Variants in UBR4 observed in about 807,000 individuals in gnomAD.
UBR4 encodes the protein E3 ubiquitin-protein ligase UBR4.
In UBR4, 124 loss-of-function variants were observed where a neutral mutation model predicts 575.6. The observed-to-expected ratio is 0.22, with a 90% CI of 0.19 to 0.25. The LOEUF (loss-of-function observed/expected upper bound fraction) is 0.25, where lower values mean the gene tolerates loss of function less well. UBR4 is among the 10% of genes least tolerant of loss of function. The pLI, the probability that UBR4 is intolerant of heterozygous loss-of-function variation, is 1.00. For synonymous variants in UBR4, 2,455 were observed against 2,473.7 expected (o/e 0.99, Z 0.22); for missense variants, 4,818 against 6,478.8 (o/e 0.74, Z 8.80).
rs186655356 is a variant in UBR4, at chr1:19,186,990, T to G, written c.1632+174A>C. Among the ~76,000 whole-genome samples, 305 of 151,696 alleles carry G rather than the reference T, an allele frequency of 2.0e-3. 1 individual carries two copies. Among genetic ancestry groups the G allele is most frequent in the African/African-American group, 7.2e-3 (297 of 41,420 alleles). ...TTGGATAGATTCAACCCGCTAAGAATTTTTCACTTCTTCAACACCAGTACC... is the reference window on the plus strand; with the variant it reads ...TTGGATAGATTCAACCCGCTAAGAAGTTTTCACTTCTTCAACACCAGTACC... On this transcript the variant is annotated intron_variant, in intron 13 of 105. Coordinates refer to ENST00000375254, the MANE Select transcript of UBR4 (RefSeq NM_020765.3).
At chr1:19,131,243 T>TA (rs869155620) in intron 60 of UBR4, among the ~76,000 whole-genome samples, 1,421 of 102,950 alleles carry the variant, frequency 0.014, 35 homozygotes, top group Non-Finnish European at 0.022. Context: ...TCTTGAAACT[T>TA]AAAAAAAAAA....
chr1:19,084,553 T>C lies in UBR4; in HGVS notation c.14959A>G (p.Ile4987Val), dbSNP rs201747687. Residue 4987 changes from isoleucine to valine, a missense_variant, in exon 102 of 106, where the codon ATC becomes GTC. By Grantham distance (29) the Ile-to-Val change is conservative (BLOSUM62 3). Coordinates refer to ENST00000375254, the MANE Select transcript of UBR4 (RefSeq NM_020765.3). ...DTGGGGRESN[I>V]HLIPYIIHTV... ...TGAATGATGTACGGGATCAGGTGGATGTTGCTCTCCCGGCCGCCCCCGCCA... is the reference window on the plus strand; with the variant it reads ...TGAATGATGTACGGGATCAGGTGGACGTTGCTCTCCCGGCCGCCCCCGCCA... 1.6e-5 allele frequency: 26 copies of C among 1,614,064 alleles called. No homozygotes were observed. In the East Asian group the frequency reaches 5.3e-4, roughly 33 times the overall value.
rs754906327 is a variant in UBR4 at position 19,210,135 on chromosome 1, G to T, written c.114C>A (p.Ser38=). The T allele has an allele frequency of 1.1e-5, 18 of 1,584,888 alleles. 1 individual carries two copies. In the Admixed American group the frequency reaches 3.1e-4, roughly 28 times the overall value. ...GWEVAVRPLL[S]ASYSAFEMKE... is the part of the protein sequence containing the mutation. ...TCATCTCGAAGGCGGAGTAGGACGC[G>T]GACAGCAGGGGCCGCACAGCCACCT... The change falls in exon 1 of 106, where the codon TCC becomes TCA. Residue 38 remains serine, a synonymous_variant. Coordinates refer to ENST00000375254, the MANE Select transcript of UBR4 (RefSeq NM_020765.3).
At position 19,105,678 on chromosome 1, in the gene UBR4, G is replaced by A; in HGVS notation, c.12503+55C>T. 3 of 1,346,452 alleles carry A rather than the reference G, an allele frequency of 2.2e-6. No homozygotes were observed. The South Asian group carries it at 4.5e-5, about 20-fold the overall frequency. The allele number at this position is 1,346,452 out of a possible 1,614,324, so 83.4% of individuals were successfully genotyped here. A position where few individuals can be genotyped will look rare whatever the true frequency, so the allele number is the denominator to read the frequency against. On this transcript the variant is annotated intron_variant, in intron 84 of 105. Transcript: ENST00000375254. ...GATCCATGGATTCCCCGGGGAAGATGAAAAGGCTCTAGAGCAAGTCTAACC... is the reference window on the plus strand; with the variant it reads ...GATCCATGGATTCCCCGGGGAAGATAAAAAGGCTCTAGAGCAAGTCTAACC...
intron 1 of UBR4, among the ~76,000 whole-genome samples, chr1:19,207,500 A>G (rs1280019018): frequency 6.6e-6 from 1 of 152,156 alleles, no homozygotes; most frequent in Non-Finnish European, 1.5e-5. Context: ...CTGGTGGCGC[A>G]CATCTATAAT....
At chr1:19,150,132 G>A (rs2085458830) in intron 49 of UBR4, among the ~76,000 whole-genome samples, 1 of 152,168 alleles carries the variant, frequency 6.6e-6, no homozygotes, top group African/African-American at 2.4e-5. Flanking sequence ...TGCTACAAGA[G>A]GCAGCAGACA....
rs764801442 is a variant in UBR4 at position 19,176,724 on chromosome 1, G to C, written c.2641C>G (p.Gln881Glu). 1 of 1,613,062 alleles carries C rather than the reference G, an allele frequency of 6.2e-7. No homozygotes were observed. Among genetic ancestry groups the C allele is most frequent in the Non-Finnish European group, 8.5e-7 (1 of 1,179,654 alleles). The change falls in exon 20 of 106, where the codon CAG (glutamine) becomes GAG (glutamate). Residue 881 changes from glutamine (Q) to glutamate (E), a missense_variant. Coordinates refer to ENST00000375254, the MANE Select transcript of UBR4 (RefSeq NM_020765.3). ...KAPVYLFEQV[Q>E]HNLLSPPFGW... ...AAGGGAGGACTTAGCAGGTTATGCT[G>C]TACCTTTTAAAACACAAATACTGAA...
chr1:19,173,305 T>A lies in UBR4; in HGVS notation c.3167A>T (p.Asp1056Val), dbSNP rs763777723. Residue 1056 changes from aspartate (D) to valine (V), a missense_variant and splice_region_variant, in exon 24 of 106, where the codon GAT (aspartate) becomes GTT (valine). Asp to Val is a radical substitution (Grantham distance 152). Transcript: ENST00000375254. ...RISSYVNWIK[D>V]HLIKQGMKAE... ...CTTCATTCCCTGTTTGATAAGGTGA[T>A]CCTATTTGGACAGCAAGAAAAAGTG... 7 of 1,614,142 alleles carry A rather than the reference T, an allele frequency of 4.3e-6. No individual in the cohort carries two copies. In the South Asian group the frequency reaches 6.6e-5, roughly 15 times the overall value.
At chr1:19,123,165 G>T in intron 65 of UBR4, 105 bp from the exon 66 acceptor site, 1 of 1,256,740 alleles carries the variant, frequency 8.0e-7, no homozygotes, top group Non-Finnish European at 1.1e-6. Context: ...TAAAAGCTGG[G>T]GACAGGCCGG....
rs371970332 is a variant in UBR4 at position 19,184,037 on chromosome 1, C to A, written c.2077G>T (p.Val693Leu). 25 of 1,614,022 alleles carry A rather than the reference C, an allele frequency of 1.5e-5. No homozygotes were observed. The highest frequency in any genetic ancestry group is 2.0e-5 in the Non-Finnish European group (24 of 1,180,004). ...TGACCCTTGAGTCCATCTTTGTCCA[C>A]CTCCTTGATGATACTGGCTAGGGTG... is the stretch of plus-strand genomic sequence containing the variant. ...MATLASIIKE[V>L]DKDGLKGSSD... Residue 693 changes from valine (V) to leucine (L), a missense_variant, in exon 16 of 106, where the codon GTG (valine) becomes TTG (leucine). Val to Leu is a conservative substitution (Grantham distance 32). Transcript: ENST00000375254.
In UBR4 at chr1:19,144,863, T is replaced by C. The variant is rs887420526; in HGVS notation, c.7990A>G (p.Ile2664Val). ...AGCTCACAGGTACAGTAGCCATGGATGATGTCCACCAGAGCATTGACAGTA... is the reference window on the plus strand; with the variant it reads ...AGCTCACAGGTACAGTAGCCATGGACGATGTCCACCAGAGCATTGACAGTA... The part of the protein sequence containing the change: ...EATVNALVDI[I>V]HGYCTCELDC... Residue 2664 changes from isoleucine (I) to valine (V), a missense_variant, in exon 54 of 106, where the codon ATC becomes GTC. Ile to Val is a conservative substitution (Grantham distance 29, BLOSUM62 3). Around this residue, in one of 29 missense-constraint regions of UBR4, gnomAD observed 340 missense variants for 375.4 expected, o/e 0.91. Coordinates refer to ENST00000375254, the MANE Select transcript of UBR4 (RefSeq NM_020765.3). The C allele has an allele frequency of 6.8e-6, 11 of 1,614,096 alleles. 1 individual carries two copies. Among genetic ancestry groups the C allele is most frequent in the Non-Finnish European group, 9.3e-6 (11 of 1,180,000 alleles).
chr1:19,126,019 GGTAA>G (rs1200084156), intron 64 of UBR4, among the ~76,000 whole-genome samples: 3 of 152,188 alleles, frequency 2.0e-5, no homozygotes, highest in African/African-American at 7.2e-5. Flanking sequence ...CTTCAAGACT[GGTAA>G]GTAAGAACAC....
rs1322978954 is a variant in UBR4, at chr1:19,086,723, G to A, written c.14643C>T (p.Ser4881=). The A allele has an allele frequency of 1.7e-5, 28 of 1,614,098 alleles. No homozygotes were observed. Among genetic ancestry groups the A allele is most frequent in the Non-Finnish European group, 2.4e-5 (28 of 1,180,052 alleles). ...PRKQQGYSTV[S]HFNIVHYDCH... Reference sequence around the variant, plus strand: ...AGTCGTAGTGCACAATGTTGAAGTGGGACACGGTGCTGTAGCCCTGCTGTT... The same window carrying A: ...AGTCGTAGTGCACAATGTTGAAGTGAGACACGGTGCTGTAGCCCTGCTGTT... The change falls in exon 100 of 106, where the codon TCC becomes TCT. Residue 4881 remains serine, a synonymous_variant. Coordinates refer to ENST00000375254, the MANE Select transcript of UBR4 (RefSeq NM_020765.3).
chr1:19,184,441 A>G (rs1488964831), intron 15 of UBR4, among the ~76,000 whole-genome samples: 1 of 152,190 alleles, frequency 6.6e-6, no homozygotes, highest in African/African-American at 2.4e-5. Context: ...AGGATTTCCA[A>G]ATAGACTGAC....
Position 19,145,696 on chromosome 1 carries a change from T to C in UBR4, c.7945+97A>G. 6 of 1,419,446 alleles carry C rather than the reference T, an allele frequency of 4.2e-6. No individual in the cohort carries two copies. The South Asian group carries it at 5.6e-5, about 13-fold the overall frequency. The allele number at this position is 1,419,446 out of a possible 1,614,324, so 87.9% of individuals were successfully genotyped here. On this transcript the variant is annotated intron_variant, in intron 53 of 105. Transcript: ENST00000375254. ...TATGAGTTCTGGAAGAAATGGATTA[T>C]GAAGAATGAAAGCTAATGGCTAACG...
rs1243428271 is a variant in UBR4 at position 19,090,603 on chromosome 1, C to T, written c.14212-1626G>A. 2.6e-5 allele frequency among the ~76,000 whole-genome samples: 4 copies of T among 152,182 alleles called. No homozygotes were observed. In the East Asian group the frequency reaches 7.7e-4, roughly 29 times the overall value. ...CATCTATCTCGCTGTTTAGTTACTA[C>T]TCTGTATTTGGCTCTATCTTCCACC... On this transcript the variant is annotated intron_variant, in intron 97 of 105. Transcript: ENST00000375254.
intron 11 of UBR4, among the ~76,000 whole-genome samples, chr1:19,189,578 G>A (rs2091879504): frequency 1.3e-5 from 2 of 152,140 alleles, no homozygotes; most frequent in Non-Finnish European, 2.9e-5. Context: ...TTTTATATGT[G>A]CACAGAAAAA....
chr1:19,093,939 A>G lies in UBR4; in HGVS notation c.13937+10T>C, dbSNP rs1194655813. ...CTCTCATTTCACTATATGAAATCAAAGTAACATACTTATCAAAGTTGCAGT... is the reference window on the plus strand; with the variant it reads ...CTCTCATTTCACTATATGAAATCAAGGTAACATACTTATCAAAGTTGCAGT... On this transcript the variant is annotated intron_variant, in intron 95 of 105. Coordinates refer to ENST00000375254, the MANE Select transcript of UBR4 (RefSeq NM_020765.3). This position sits in a 1 kb window ranked among gnomAD's most constrained non-coding sequence, Gnocchi z 4.8. The G allele has an allele frequency of 6.2e-7, 1 of 1,606,282 alleles. No homozygotes were observed. The highest frequency in any genetic ancestry group is 8.5e-7 in the Non-Finnish European group (1 of 1,174,368).
Position 19,153,968 on chromosome 1 carries a change from G to A in UBR4, c.6459-29C>T, listed in dbSNP as rs772173323. 1 of 1,607,756 alleles carries A rather than the reference G, an allele frequency of 6.2e-7. No homozygotes were observed. Among genetic ancestry groups the A allele is most frequent in the Non-Finnish European group, 8.5e-7 (1 of 1,176,752 alleles). ...CAGACAACAAAACTGGCCACAGTTA[G>A]AGTGTCAGTCACCATTTAATAGTTC... is the stretch of plus-strand genomic sequence containing the variant. On this transcript the variant is annotated intron_variant, in intron 44 of 105. Coordinates refer to ENST00000375254, the MANE Select transcript of UBR4 (RefSeq NM_020765.3). This position sits in a 1 kb window ranked among gnomAD's most constrained non-coding sequence, Gnocchi z 4.1.
Sources: allele counts gnomAD v4.1 joint callset (sites outside exome capture counted in the v4.1 genomes callset), GRCh38; gene constraint gnomAD v4.1.1; regional missense constraint gnomAD v4.1.1; non-coding constraint Gnocchi (gnomAD v3.1); transcripts MANE v1.5; gene names NCBI Gene and HGNC (gene_info 2026-07-23, HGNC 2026-07-21).